Variants in RUNX1T1 observed in about 807,000 individuals in gnomAD.
RUNX1T1 encodes RUNX1 partner transcriptional co-repressor 1.
RUNX1T1 carries 4 observed loss-of-function variants against 62.8 expected under a neutral mutation model. That is an observed-to-expected ratio of 0.06 (90% CI 0.03 to 0.15). The LOEUF is 0.15. RUNX1T1 is among the 10% of genes least tolerant of loss of function. The pLI, the probability that RUNX1T1 is intolerant of heterozygous loss-of-function variation, is 1.00. For missense variants in RUNX1T1, 508 were observed against 754.3 expected, an observed-to-expected ratio of 0.67 and a Z score of 3.82; for synonymous variants, 291 against 286.0, an observed-to-expected ratio of 1.02 and a Z score of -0.18.
intron 9 of RUNX1T1, 112 bp downstream of exon 10, chr8:91,975,793 G>T: frequency 7.5e-6 from 5 of 670,052 alleles, no homozygotes; most frequent in Non-Finnish European, 1.1e-5. Context: ...TTTTGTTTTT[G>T]CTGTTGTTGT....
intron 1 of RUNX1T1, among the ~76,000 whole-genome samples, chr8:92,084,406 G>T (rs115516053): frequency 0.012 from 1,812 of 152,014 alleles, 22 homozygotes; most frequent in African/African-American, 0.041. Context: ...ACAAGAGAAC[G>T]CAATGAAAGC....
intron 5 of RUNX1T1, among the ~76,000 whole-genome samples, chr8:91,999,509 AG>A (rs1246857396): frequency 2.0e-5 from 3 of 152,168 alleles, no homozygotes; most frequent in Non-Finnish European, 4.4e-5. Flanking sequence ...GTTTTCAAGC[AG>A]GGGCATTCAG....
At chr8:92,094,106 C>T (rs980715523) in intron 1 of RUNX1T1, among the ~76,000 whole-genome samples, 3 of 152,192 alleles carry the variant, frequency 2.0e-5, no homozygotes, top group Non-Finnish European at 4.4e-5. Context: ...ATCATGCTCA[C>T]TGAGGCAACA....
chr8:91,996,233 G>A (rs979226573), intron 5 of RUNX1T1, among the ~76,000 whole-genome samples: 5 of 151,014 alleles, frequency 3.3e-5, no homozygotes, highest in Admixed American at 6.6e-5. Flanking sequence ...ACAGAGTCTC[G>A]CTCTGTCGCC....
At chr8:91,983,630 C>T (rs1008662991) in intron 8 of RUNX1T1, among the ~76,000 whole-genome samples, 3 of 152,076 alleles carry the variant, frequency 2.0e-5, no homozygotes, top group African/African-American at 4.8e-5. Context: ...TAGACATATC[C>T]ATATCTTTAT....
intron 1 of RUNX1T1, among the ~76,000 whole-genome samples, chr8:92,039,072 TC>T (rs890583490): frequency 6.6e-6 from 1 of 151,916 alleles, no homozygotes; most frequent in African/African-American, 2.4e-5. Context: ...ACAAAAAAGT[TC>T]CAACAAAAGG....
intron 9 of RUNX1T1, among the ~76,000 whole-genome samples, chr8:91,974,321 T>C (rs28673786): frequency 0.021 from 3,148 of 152,264 alleles, 106 homozygotes; most frequent in African/African-American, 0.072. Flanking sequence ...AGGTGCTATA[T>C]TCAGAAAAAT....
At chr8:92,008,443 A>G (rs532682954) in intron 4 of RUNX1T1, among the ~76,000 whole-genome samples, 1 of 146,444 alleles carries the variant, frequency 6.8e-6, no homozygotes, top group South Asian at 2.2e-4. Context: ...ACTATGTGCC[A>G]TTCTGTATTA....
intron 8 of RUNX1T1, among the ~76,000 whole-genome samples, chr8:91,981,404 CTTTTTTTTTTTTTTTTT>C (rs67366711): frequency 3.1e-5 from 2 of 63,842 alleles, no homozygotes; most frequent in Admixed American, 4.4e-4. Context: ...AGTTACTAAG[CTTTTTTTTTTTTTTTTT>C]TTTTTTTTTT....
upstream of RUNX1T1, among the ~76,000 whole-genome samples, chr8:92,064,939 C>T (rs897298228): frequency 6.6e-6 from 1 of 152,164 alleles, no homozygotes; most frequent in African/African-American, 2.4e-5. Flanking sequence ...TCCACATCAA[C>T]AAAACCTGGA....
chr8:92,040,878 T>C (rs979374572), intron 1 of RUNX1T1, among the ~76,000 whole-genome samples: 2 of 152,036 alleles, frequency 1.3e-5, no homozygotes, highest in African/African-American at 4.8e-5. Context: ...TAAAATAATA[T>C]AAATTTTTTT....
At chr8:91,981,755 C>T (rs1006150003) in intron 8 of RUNX1T1, among the ~76,000 whole-genome samples, 5 of 152,018 alleles carry the variant, frequency 3.3e-5, no homozygotes, top group Admixed American at 1.3e-4. Context: ...TTTCATTACA[C>T]TTAAACAAAC....
chr8:92,008,451 TTAAA>T (rs1191481818), intron 4 of RUNX1T1, among the ~76,000 whole-genome samples: 1 of 150,320 alleles, frequency 6.7e-6, no homozygotes, highest in Non-Finnish European at 1.5e-5. Context: ...CCATTCTGTA[TTAAA>T]TAGAGTCAGC....
chr8:92,101,711 C>T (rs901127032), upstream of RUNX1T1, among the ~76,000 whole-genome samples: 8 of 152,122 alleles, frequency 5.3e-5, no homozygotes, highest in Admixed American at 5.2e-4. Context: ...AATCATAGTA[C>T]TCAAACTTTT....
At chr8:91,986,425 C>G in intron 7 of RUNX1T1, 100 bp from the exon 9 acceptor site, 2 of 871,378 alleles carry the variant, frequency 2.3e-6, no homozygotes, top group East Asian at 2.4e-5. Flanking sequence ...ATGAAGGAAG[C>G]AATTTTATCC....
chr8:92,046,757 T>G (rs1829475101), intron 1 of RUNX1T1, among the ~76,000 whole-genome samples: 1 of 152,132 alleles, frequency 6.6e-6, no homozygotes, highest in Admixed American at 6.5e-5. Context: ...TTAAAAGCAC[T>G]AAAACATAGC....
chr8:92,053,597 G>C (rs533611605), intron 1 of RUNX1T1, among the ~76,000 whole-genome samples: 1 of 152,102 alleles, frequency 6.6e-6, no homozygotes, highest in East Asian at 1.9e-4. Context: ...TAAAGTTGTG[G>C]GCCACAAAAT....
At chr8:91,963,457 T>A (rs1462410699) in intron 10 of RUNX1T1, among the ~76,000 whole-genome samples, 1 of 150,628 alleles carries the variant, frequency 6.6e-6, no homozygotes, top group African/African-American at 2.5e-5. Context: ...TATTCATTCT[T>A]AAAAGCTCAT....
At chr8:91,985,058 T>C (rs746189071) in intron 8 of RUNX1T1, among the ~76,000 whole-genome samples, 4 of 152,166 alleles carry the variant, frequency 2.6e-5, no homozygotes, top group Non-Finnish European at 5.9e-5. Flanking sequence ...ACAGATAATA[T>C]ACTTCAAGTT....
Sources: gnomAD v4.1 joint callset for allele counts (sites outside exome capture counted in the v4.1 genomes callset) on GRCh38, gnomAD v4.1.1 for gene constraint, MANE v1.5 for transcripts, NCBI Gene and HGNC (gene_info 2026-07-23, HGNC 2026-07-21) for gene names.